The following SHANK2 variants were observed in gnomAD, a reference collection of about 807,000 sequenced individuals.
The protein encoded by SHANK2 is SH3 and multiple ankyrin repeat domains 2, also known as SH3 and multiple ankyrin repeat domains protein 2.
A neutral mutation model predicts 133.7 loss-of-function variants in SHANK2; 43 were observed. That is an observed-to-expected ratio of 0.32 (90% CI 0.25 to 0.41). The LOEUF is 0.41. Among genes scored for constraint, SHANK2 ranks in the 10% least tolerant of loss-of-function variants. The pLI, the probability that SHANK2 is intolerant of heterozygous loss-of-function variation, is 1.00. For synonymous variants in SHANK2, 1,017 were observed against 952.8 expected, an observed-to-expected ratio of 1.07 and a Z score of -1.24; for missense variants, 1,994 against 2,235.8, an observed-to-expected ratio of 0.89 and a Z score of 2.18.
chr11:70,868,746 G>T (rs572455991), intron 11 of SHANK2, among the ~76,000 whole-genome samples: 24 of 152,364 alleles, frequency 1.6e-4, no homozygotes, highest in African/African-American at 5.8e-4. Context: ...CCGGGAAAGG[G>T]CTCTGGCACG....
rs965088354 is a variant in SHANK2, at chr11:70,719,827, T to A, written c.1778-21064A>T. On this transcript the variant is annotated intron_variant, in intron 14 of 25. Transcript: ENST00000601538. ...TGCGCTGGAATCTTAAAGGTTCCTG[T>A]CCTTGGAGACACCCTATCTTGCCAG... Among the ~76,000 whole-genome samples the A allele has an allele frequency of 2.7e-5, 4 of 150,888 alleles. No individual in the cohort carries two copies. The Admixed American group carries it at 2.7e-4, about 10-fold the overall frequency.
At position 70,820,487 on chromosome 11, in the gene SHANK2, G is replaced by T; in HGVS notation, c.1370C>A (p.Pro457His). 1.4e-6 allele frequency: 1 copy of T among 716,934 alleles called. No individual in the cohort carries two copies. Among genetic ancestry groups the T allele is most frequent in the South Asian group, 1.5e-5 (1 of 67,568 alleles). 44.4% of individuals were successfully genotyped at this position (716,934 alleles called of 1,614,324 possible). Reference sequence around the variant, plus strand: ...CCCAATGGTCTTCGCGGCCCCCTCGGGCTTGCTGGGCATCTGCTGCAGCAG... The same window carrying T: ...CCCAATGGTCTTCGCGGCCCCCTCGTGCTTGCTGGGCATCTGCTGCAGCAG... ...PQLLQQMPSK[P>H]EGAAKTIGSY... Residue 457 changes from proline to histidine, a missense_variant, in exon 12 of 26, where the codon CCC (proline) becomes CAC (histidine). By Grantham distance (77) the Pro-to-His change is moderately conservative. Coordinates refer to ENST00000601538, the MANE Select transcript of SHANK2 (RefSeq NM_012309.5).
At chr11:70,829,423 G>A (rs911579009) in intron 11 of SHANK2, among the ~76,000 whole-genome samples, 11 of 152,238 alleles carry the variant, frequency 7.2e-5, no homozygotes, top group Admixed American at 2.6e-4. Flanking sequence ...GGCTGCCCAG[G>A]GAGAAGGGAA....
At chr11:71,061,901 A>T (rs1950991047) in intron 9 of SHANK2, among the ~76,000 whole-genome samples, 2 of 151,234 alleles carry the variant, frequency 1.3e-5, no homozygotes, top group Non-Finnish European at 1.5e-5. Context: ...CCTGATCATG[A>T]GCCCAAAATT....
chr11:70,767,988 C>T (rs1555041795), intron 14 of SHANK2, among the ~76,000 whole-genome samples: 2 of 151,918 alleles, frequency 1.3e-5, no homozygotes, highest in Admixed American at 1.3e-4. Context: ...GGGATCCGTG[C>T]AGAAAGGCGG....
chr11:70,485,932 C>T lies in SHANK2; in HGVS notation c.4361G>A (p.Ser1454Asn). 1.2e-6 allele frequency: 2 copies of T among 1,614,114 alleles called. No individual in the cohort carries two copies. The highest frequency in any genetic ancestry group is 1.7e-6 in the Non-Finnish European group (2 of 1,180,020). ...DTPQSPSLNS[S>N]QPTNSADSKK... ...GCTGTCTGCAGAGTTGGTTGGTTGG[C>T]TGGAGTTCAACGAAGGGGACTGAGG... The change falls in exon 25 of 26, where the codon AGC (serine) becomes AAC (asparagine). Residue 1454 changes from serine to asparagine, a missense_variant. Around this residue, in one of 5 missense-constraint regions of SHANK2, gnomAD observed 797 missense variants for 907.4 expected, o/e 0.88. Transcript: ENST00000601538. The surrounding 1 kb of genome is among the most constrained non-coding windows in gnomAD (Gnocchi z 5.8).
intron 2 of SHANK2, chr11:71,174,749 A>T (rs1555112860): frequency 6.6e-6 from 1 of 150,842 alleles, no homozygotes; most frequent in East Asian, 1.9e-4. Context: ...AGCTATTGGG[A>T]GGCTGAGGCA....
intron 8 of SHANK2, among the ~76,000 whole-genome samples, chr11:71,077,039 T>G (rs1205049648): frequency 1.3e-5 from 2 of 152,054 alleles, no homozygotes; most frequent in African/African-American, 4.8e-5. Context: ...GGAAGAGACA[T>G]GCACAAAGCC....
chr11:71,174,014 G>T (rs1953369527), intron 2 of SHANK2, among the ~76,000 whole-genome samples: 1 of 152,252 alleles, frequency 6.6e-6, no homozygotes, highest in Admixed American at 6.5e-5. Context: ...CCACTAGTTT[G>T]CTTCCATCTG....
At chr11:71,210,945 G>A (rs1380660701) in intron 2 of SHANK2, among the ~76,000 whole-genome samples, 6 of 152,152 alleles carry the variant, frequency 3.9e-5, no homozygotes, top group South Asian at 2.1e-4. Context: ...CAAGACAGAC[G>A]CATGAGGAGA....
At chr11:71,245,935 C>T (rs536604162) in intron 1 of SHANK2, among the ~76,000 whole-genome samples, 11 of 152,180 alleles carry the variant, frequency 7.2e-5, no homozygotes, top group South Asian at 2.1e-4. Context: ...GGCCCCTGTA[C>T]GGGAAGAGGG....
chr11:70,864,076 G>C, intron 11 of SHANK2: 1 of 330,808 alleles, frequency 3.0e-6, no homozygotes, highest in South Asian at 2.4e-5. Flanking sequence ...ACAAGAAAGG[G>C]ACCCTCCAGT....
At chr11:70,518,361 A>G (rs1444660277) in intron 17 of SHANK2, among the ~76,000 whole-genome samples, 1 of 152,222 alleles carries the variant, frequency 6.6e-6, no homozygotes, top group African/African-American at 2.4e-5. Context: ...AACCTGTCTC[A>G]AACAAAACAA....
intron 11 of SHANK2, chr11:70,863,501 T>C: frequency 2.2e-6 from 1 of 457,856 alleles, no homozygotes; most frequent in Non-Finnish European, 4.4e-6. Context: ...TTTCCTTATC[T>C]CTAGGACTCG....
At position 71,188,628 on chromosome 11, in the gene SHANK2, C is replaced by T. The variant is rs1953723221; in HGVS notation, c.-13+36069G>A. Among the ~76,000 whole-genome samples the T allele has an allele frequency of 6.6e-6, 1 of 152,190 alleles. No homozygotes were observed. Among genetic ancestry groups the T allele is most frequent in the Non-Finnish European group, 1.5e-5 (1 of 68,036 alleles). ...ACAATGAAATTCACTGTGCCTATAA[C>T]CCAAAGTCAAGATGAAACTGAGGTG... On this transcript the variant is annotated intron_variant, in intron 2 of 25. Coordinates refer to ENST00000601538, the MANE Select transcript of SHANK2 (RefSeq NM_012309.5). This position sits in a 1 kb window ranked among gnomAD's most constrained non-coding sequence, Gnocchi z 4.6.
At chr11:70,837,609 G>A (rs1374740253) in intron 11 of SHANK2, among the ~76,000 whole-genome samples, 3 of 152,274 alleles carry the variant, frequency 2.0e-5, no homozygotes, top group South Asian at 4.2e-4. Flanking sequence ...CAAGTAAACT[G>A]TAAACTGCTG....
rs1555012751 is a variant in SHANK2, at chr11:70,659,823, C to T, written c.2061+5G>A. 3.7e-6 allele frequency: 6 copies of T among 1,614,142 alleles called. No individual in the cohort carries two copies. The highest frequency in any genetic ancestry group is 4.2e-6 in the Non-Finnish European group (5 of 1,180,036). On this transcript the variant is annotated splice_donor_5th_base_variant and intron_variant, in intron 17 of 25. Transcript: ENST00000601538. ...GCAGAAAGATACAGACACCTGTGTC[C>T]CTACCTCAATCAAGAAGTCCCCGGT...
rs574156927 is a variant in SHANK2 at position 70,907,050 on chromosome 11, G to C, written c.1108-10483C>G. On this transcript the variant is annotated intron_variant, in intron 10 of 25. Coordinates refer to ENST00000601538, the MANE Select transcript of SHANK2 (RefSeq NM_012309.5). ...GACAGGGCTGACCAGATAGAGCCAG[G>C]GCTGACTCAAGCAATGTCCACAACT... 2.6e-5 allele frequency among the ~76,000 whole-genome samples: 4 copies of C among 152,318 alleles called. No individual in the cohort carries two copies. In the South Asian group the frequency reaches 8.3e-4, roughly 32 times the overall value.
chr11:70,617,163 G>A (rs2060756606), intron 17 of SHANK2, among the ~76,000 whole-genome samples: 1 of 151,662 alleles, frequency 6.6e-6, no homozygotes, highest in South Asian at 2.1e-4. Context: ...GGGTGTGTGA[G>A]CTGTCTGTGT....
Sources: gnomAD v4.1 joint callset for allele counts (sites outside exome capture counted in the v4.1 genomes callset) on GRCh38, gnomAD v4.1.1 for gene constraint, gnomAD v4.1.1 regional missense constraint, Gnocchi (gnomAD v3.1) non-coding constraint, MANE v1.5 for transcripts, NCBI Gene and HGNC (gene_info 2026-07-23, HGNC 2026-07-21) for gene names.